Variants in RIMS1 observed in about 807,000 individuals in gnomAD.
RIMS1 encodes regulating synaptic membrane exocytosis protein 1.
Under a neutral mutation model 214.1 loss-of-function variants are expected in RIMS1, and 83 were observed. That is an observed-to-expected ratio of 0.39 (90% confidence interval 0.32 to 0.47). The LOEUF is 0.47. Among genes scored for constraint, RIMS1 ranks in the 20% least tolerant of loss-of-function variants. The pLI is 0.99. For synonymous variants in RIMS1, 793 were observed against 786.8 expected, an observed-to-expected ratio of 1.01 and a Z score of -0.13; for missense variants, 2,050 against 2,161.8, an observed-to-expected ratio of 0.95 and a Z score of 1.03.
chr6:72,252,626 CA>C (rs1275824926), intron 15 of RIMS1, 134 bp from the exon 16 acceptor site: 4 of 673,966 alleles, frequency 5.9e-6, no homozygotes, highest in Non-Finnish European at 5.4e-6. Context: ...AAAATTAGCT[CA>C]GTGTTTACTG....
chr6:72,282,779 A>G (rs2090767683), intron 23 of RIMS1, among the ~76,000 whole-genome samples: 1 of 152,096 alleles, frequency 6.6e-6, no homozygotes, highest in Non-Finnish European at 1.5e-5. Context: ...ATCCCTCAAT[A>G]TATTGAGTAC....
chr6:72,307,846 G>A (rs534080151), intron 27 of RIMS1, among the ~76,000 whole-genome samples: 15 of 152,010 alleles, frequency 9.9e-5, no homozygotes, highest in South Asian at 4.1e-4. Context: ...TGATATTTTC[G>A]TGTGATATAA....
chr6:72,360,644 T>C (rs567479649), intron 29 of RIMS1, among the ~76,000 whole-genome samples: 1 of 150,726 alleles, frequency 6.6e-6, no homozygotes, highest in Non-Finnish European at 1.5e-5. Context: ...TCTACATGTA[T>C]ATGTGTGTAT....
chr6:72,255,380 A>G (rs1369809243), intron 16 of RIMS1, among the ~76,000 whole-genome samples: 1 of 152,184 alleles, frequency 6.6e-6, no homozygotes, highest in African/African-American at 2.4e-5. Context: ...TATCTAGAGA[A>G]GCTCAAAAGC....
At chr6:72,176,869 T>C (rs994201386) in intron 4 of RIMS1, among the ~76,000 whole-genome samples, 5 of 152,242 alleles carry the variant, frequency 3.3e-5, no homozygotes, top group Non-Finnish European at 5.9e-5. Flanking sequence ...AATTAAATTG[T>C]AAAATTCAAC....
At chr6:71,955,216 G>A (rs2151181754) in intron 1 of RIMS1, among the ~76,000 whole-genome samples, 1 of 152,050 alleles carries the variant, frequency 6.6e-6, no homozygotes, top group East Asian at 1.9e-4. Context: ...ATCCAGGCTG[G>A]AGTGCGGTGG....
rs192342862 is a variant in RIMS1 at position 72,316,798 on chromosome 6, A to G, written c.4130+3126A>G. The G allele has an allele frequency of 3.4e-4, 248 of 736,000 alleles. No individual in the cohort carries two copies. In the East Asian group the frequency reaches 6.1e-3, roughly 18 times the overall value. The allele number at this position is 736,000 out of a possible 1,614,324, so 45.6% of individuals were successfully genotyped here. ...CCAGTTGACGGTAGACACTGGGGAC[A>G]GTAGGTGGGTGGTGGTGCCAAGGGC... On this transcript the variant is annotated intron_variant, in intron 28 of 33. Transcript: ENST00000521978.
rs1472134216 is a variant in RIMS1, at chr6:72,265,605, T to G, written c.3308+102T>G. Reference sequence around the variant, plus strand: ...ATTTCTCCTCTGATGTCCTTCATTTTGTTTTGGTGTGGCATCTGTTCCTGG... The same window carrying G: ...ATTTCTCCTCTGATGTCCTTCATTTGGTTTTGGTGTGGCATCTGTTCCTGG... On this transcript the variant is annotated intron_variant, in intron 21 of 33. Transcript: ENST00000521978. The G allele has an allele frequency of 1.1e-5, 7 of 655,136 alleles. No homozygotes were observed. In the East Asian group the frequency reaches 2.0e-4, roughly 18 times the overall value. 40.6% of individuals were successfully genotyped at this position (655,136 alleles called of 1,614,324 possible).
At position 72,141,923 on chromosome 6, in the gene RIMS1, C is replaced by A. The variant is rs76535832; in HGVS notation, c.472-37652C>A. Among the ~76,000 whole-genome samples, 1,292 of 152,042 alleles carry A rather than the reference C, an allele frequency of 8.5e-3. 14 individuals are homozygous for A. Among genetic ancestry groups the A allele is most frequent in the Non-Finnish European group, 0.015 (1,005 of 67,838 alleles). On this transcript the variant is annotated intron_variant, in intron 4 of 33. Coordinates refer to ENST00000521978, the MANE Select transcript of RIMS1 (RefSeq NM_014989.7). Reference sequence around the variant, plus strand: ...GGTATTGAATTAGGTGGCCTATTAGCTTCCTTCAAGTTCTAACATTTTTGT... The same window carrying A: ...GGTATTGAATTAGGTGGCCTATTAGATTCCTTCAAGTTCTAACATTTTTGT...
At chr6:72,009,817 A>C (rs1440509778) in intron 2 of RIMS1, among the ~76,000 whole-genome samples, 2 of 152,230 alleles carry the variant, frequency 1.3e-5, no homozygotes, top group Non-Finnish European at 2.9e-5. Flanking sequence ...CAGGCTCTGA[A>C]ATTGAGGCAA....
At chr6:72,247,013 C>T (rs946032798) in intron 11 of RIMS1, among the ~76,000 whole-genome samples, 2 of 152,176 alleles carry the variant, frequency 1.3e-5, no homozygotes, top group Non-Finnish European at 2.9e-5. Context: ...TGCACATACT[C>T]AGGCAATGCT....
At chr6:72,235,322 T>A (rs947768662) in intron 7 of RIMS1, among the ~76,000 whole-genome samples, 2 of 152,072 alleles carry the variant, frequency 1.3e-5, no homozygotes, top group African/African-American at 2.4e-5. Context: ...TAATTGTATA[T>A]TCTTTAACAA....
chr6:72,226,669 C>A (rs562378561), intron 6 of RIMS1, among the ~76,000 whole-genome samples: 2 of 152,124 alleles, frequency 1.3e-5, no homozygotes, highest in East Asian at 3.9e-4. Context: ...TACAAGCTGT[C>A]TTCAAGGAAA....
intron 2 of RIMS1, among the ~76,000 whole-genome samples, chr6:72,031,696 C>G (rs770281281): frequency 2.2e-4 from 33 of 152,130 alleles, no homozygotes; most frequent in Non-Finnish European, 4.1e-4. Flanking sequence ...AAAAGCTCCT[C>G]TGAATGTCAG....
chr6:72,022,788 A>G (rs534759382), intron 2 of RIMS1, among the ~76,000 whole-genome samples: 1 of 152,352 alleles, frequency 6.6e-6, no homozygotes, highest in East Asian at 1.9e-4. Context: ...ATTTTCTGGA[A>G]CATATTAGGT....
chr6:71,991,434 C>A (rs1584339124), intron 2 of RIMS1, among the ~76,000 whole-genome samples: 1 of 152,102 alleles, frequency 6.6e-6, no homozygotes, highest in East Asian at 1.9e-4. Context: ...ATTTTTAGGT[C>A]ATACAAATGA....
chr6:71,924,693 G>C (rs1053514252), intron 1 of RIMS1, among the ~76,000 whole-genome samples: 4 of 148,700 alleles, frequency 2.7e-5, no homozygotes, highest in African/African-American at 1.0e-4. Context: ...TATAGTCCCA[G>C]CTACTCAGGA....
chr6:71,923,267 G>A (rs375232337), intron 1 of RIMS1, among the ~76,000 whole-genome samples: 6 of 152,142 alleles, frequency 3.9e-5, no homozygotes, highest in Admixed American at 2.6e-4. Flanking sequence ...TTCATGAGGG[G>A]CATTAATATT....
intron 29 of RIMS1, among the ~76,000 whole-genome samples, chr6:72,363,527 G>C (rs1216798862): frequency 6.6e-6 from 1 of 152,174 alleles, no homozygotes; most frequent in Non-Finnish European, 1.5e-5. Flanking sequence ...TTAGGATGAA[G>C]AGAAATATTT....
Sources: gnomAD v4.1 joint callset for allele counts (sites outside exome capture counted in the v4.1 genomes callset) on GRCh38, gnomAD v4.1.1 for gene constraint, MANE v1.5 for transcripts, NCBI Gene and HGNC (gene_info 2026-07-23, HGNC 2026-07-21) for gene names.